The following AAGAB variants were observed in gnomAD, a reference collection of about 807,000 sequenced individuals.
The protein encoded by AAGAB is alpha and gamma adaptin binding protein.
AAGAB carries 38 observed loss-of-function variants against 44.1 expected under a neutral mutation model. The observed-to-expected ratio is 0.86, with a 90% CI of 0.67 to 1.13. The LOEUF (loss-of-function observed/expected upper bound fraction) is 1.13. Ranked by LOEUF, AAGAB falls within the 50% of genes most tolerant of loss-of-function variation. The pLI, the probability that AAGAB is intolerant of heterozygous loss-of-function variation, is 0.00. For synonymous variants in AAGAB, 131 were observed against 131.8 expected (o/e 0.99, Z 0.04); for missense variants, 450 against 373.8 (o/e 1.20, Z -1.68).
intron 3 of AAGAB, 54 bp from the exon 4 acceptor site, chr15:67,236,122 T>A: frequency 7.5e-7 from 1 of 1,334,160 alleles, no homozygotes; most frequent in Non-Finnish European, 1.1e-6. Context: ...AAAACATGAC[T>A]ATTCCTGCAA....
chr15:67,206,618 C>T (rs1388446197), intron 7 of AAGAB, among the ~76,000 whole-genome samples: 1 of 152,108 alleles, frequency 6.6e-6, no homozygotes, highest in African/African-American at 2.4e-5. Flanking sequence ...TTAGTATGAA[C>T]TCATGGATAC....
intron 6 of AAGAB, 134 bp from the exon 7 acceptor site, chr15:67,208,792 G>A (rs991376137): frequency 1.6e-6 from 1 of 642,056 alleles, no homozygotes; most frequent in Non-Finnish European, 2.6e-6. Flanking sequence ...AGAAAGAAGA[G>A]CAAGATCACA....
intron 5 of AAGAB, among the ~76,000 whole-genome samples, chr15:67,221,396 T>A (rs542258816): frequency 7.0e-4 from 107 of 152,316 alleles, no homozygotes; most frequent in African/African-American, 2.6e-3. Flanking sequence ...ACAAAACAGT[T>A]CTTGGATTTC....
chr15:67,204,458 G>T (rs879719832), intron 7 of AAGAB, among the ~76,000 whole-genome samples: 36 of 152,164 alleles, frequency 2.4e-4, no homozygotes, highest in Admixed American at 6.5e-5. Context: ...TCAGACGCAG[G>T]TGTTTCCAAC....
chr15:67,238,675 G>A (rs1964525482), intron 1 of AAGAB, among the ~76,000 whole-genome samples: 1 of 151,674 alleles, frequency 6.6e-6, no homozygotes, highest in Non-Finnish European at 1.5e-5. Flanking sequence ...GGTGAAAGGA[G>A]CCACCACATA....
rs546179482 is a variant in AAGAB, at chr15:67,224,531, T to G, written c.535+7283A>C. ...CCTATAGATGACTCCATATTAAACA[T>G]AGTCCTTCCTGTCTTCTTTCTCTGA... On this transcript the variant is annotated intron_variant, in intron 5 of 9. Coordinates refer to ENST00000261880, the MANE Select transcript of AAGAB (RefSeq NM_024666.5). Among the ~76,000 whole-genome samples, 9 of 152,196 alleles carry G rather than the reference T, an allele frequency of 5.9e-5. No individual in the cohort carries two copies. The South Asian group carries it at 1.9e-3, about 32-fold the overall frequency.
At chr15:67,244,116 G>T (rs1206035508) in intron 1 of AAGAB, among the ~76,000 whole-genome samples, 1 of 152,178 alleles carries the variant, frequency 6.6e-6, no homozygotes, top group Admixed American at 6.5e-5. Flanking sequence ...TCTAAAAAAA[G>T]ACAAACATGT....
At chr15:67,222,260 A>G (rs1236754778) in intron 5 of AAGAB, among the ~76,000 whole-genome samples, 5 of 149,666 alleles carry the variant, frequency 3.3e-5, no homozygotes, top group Non-Finnish European at 5.9e-5. Context: ...ACACACACAC[A>G]CACACACACA....
At chr15:67,229,411 C>T (rs2140369968) in intron 5 of AAGAB, among the ~76,000 whole-genome samples, 1 of 139,198 alleles carries the variant, frequency 7.2e-6, no homozygotes, top group East Asian at 2.1e-4. Context: ...CCAGCCTGGG[C>T]AACAGAGCGA....
At chr15:67,232,249 CAAAA>C (rs34877999) in intron 4 of AAGAB, among the ~76,000 whole-genome samples, 1 of 88,676 alleles carries the variant, frequency 1.1e-5, no homozygotes. Context: ...AACTCCATCT[CAAAA>C]AAAAAAAAAA....
rs1448084713 is a variant in AAGAB, at chr15:67,222,281, CA to C, written c.535+9532del. On this transcript the variant is annotated intron_variant, in intron 5 of 9. Transcript: ENST00000261880. Reference sequence around the variant, plus strand: ...ACACACACACACACACACACACACACACCCTCCACCCATGCTGCCTGACTTT... The same window carrying C: ...ACACACACACACACACACACACACACCCCTCCACCCATGCTGCCTGACTTT... 7.3e-4 allele frequency among the ~76,000 whole-genome samples: 109 copies of C among 150,076 alleles called. 2 individuals are homozygous for C. In the East Asian group the frequency reaches 8.0e-3, roughly 11 times the overall value.
chr15:67,217,944 A>C (rs1470553468), intron 5 of AAGAB, among the ~76,000 whole-genome samples: 1 of 152,244 alleles, frequency 6.6e-6, no homozygotes, highest in Non-Finnish European at 1.5e-5. Context: ...AGGGGGATAC[A>C]TGTTAATAAA....
chr15:67,253,772 AAAG>A (rs1964970497), intron 1 of AAGAB, among the ~76,000 whole-genome samples: 1 of 151,764 alleles, frequency 6.6e-6, no homozygotes, highest in Non-Finnish European at 1.5e-5. Flanking sequence ...AAAAAAAAGA[AAAG>A]AAGGAAGGAA....
At chr15:67,226,969 T>A (rs972440581) in intron 5 of AAGAB, 1 of 247,350 alleles carries the variant, frequency 4.0e-6, no homozygotes, top group Non-Finnish European at 8.7e-6. Flanking sequence ...AAATAAAACC[T>A]GAGTTAGATT....
chr15:67,204,149 C>G lies in AAGAB; in HGVS notation c.716-1G>C. On this transcript the variant is annotated splice_acceptor_variant, in intron 7 of 9. Coordinates refer to ENST00000261880, the MANE Select transcript of AAGAB (RefSeq NM_024666.5). LOFTEE classifies it high-confidence loss of function. ...TGAATATCCAGATCTAACATGGGAT[C>G]TGAAATAGGGATTTGTCACATTATC... 1 of 1,586,200 alleles carries G rather than the reference C, an allele frequency of 6.3e-7. No individual in the cohort carries two copies. The highest frequency in any genetic ancestry group is 8.7e-7 in the Non-Finnish European group (1 of 1,155,834).
intron 5 of AAGAB, among the ~76,000 whole-genome samples, chr15:67,216,073 ATAC>A (rs1963937354): frequency 6.6e-6 from 1 of 152,170 alleles, no homozygotes; most frequent in Non-Finnish European, 1.5e-5. Flanking sequence ...GAAAATAATA[ATAC>A]TATTTTTTCT....
At chr15:67,219,730 AC>A (rs1298052356) in intron 5 of AAGAB, among the ~76,000 whole-genome samples, 4 of 152,166 alleles carry the variant, frequency 2.6e-5, no homozygotes, top group Non-Finnish European at 5.9e-5. Context: ...CTGTACATGT[AC>A]CCCCAATTCT....
At chr15:67,214,079 A>G (rs1293454648) in intron 5 of AAGAB, among the ~76,000 whole-genome samples, 2 of 152,246 alleles carry the variant, frequency 1.3e-5, no homozygotes, top group Non-Finnish European at 2.9e-5. Context: ...AGAGGTCTTG[A>G]TAACATGTAA....
At chr15:67,238,234 T>A (rs2140382974) in intron 1 of AAGAB, among the ~76,000 whole-genome samples, 1 of 152,348 alleles carries the variant, frequency 6.6e-6, no homozygotes, top group East Asian at 1.9e-4. Flanking sequence ...ACAGAAGGTC[T>A]ATGTCAATAT....
Sources: gnomAD v4.1 joint callset for allele counts (sites outside exome capture counted in the v4.1 genomes callset) on GRCh38, gnomAD v4.1.1 for gene constraint, MANE v1.5 for transcripts, NCBI Gene and HGNC (gene_info 2026-07-23, HGNC 2026-07-21) for gene names.